FSIP1: variants seen among roughly 807,000 people sequenced by gnomAD.
FSIP1 encodes fibrous sheath interacting protein 1, also known as fibrous sheath-interacting protein 1.
A neutral mutation model predicts 60.9 loss-of-function variants in FSIP1; 65 were observed. The observed-to-expected ratio is 1.07, with a 90% CI of 0.87 to 1.31. The LOEUF (loss-of-function observed/expected upper bound fraction) is 1.31. Ranked by LOEUF, FSIP1 falls within the 40% of genes most tolerant of loss-of-function variation. The pLI is 0.00. For missense variants in FSIP1, 675 were observed against 665.5 expected, an observed-to-expected ratio of 1.01 and a Z score of -0.16; for synonymous variants, 209 against 221.2, an observed-to-expected ratio of 0.94 and a Z score of 0.49.
chr15:39,782,787 T>A lies in FSIP1; in HGVS notation c.-167A>T, dbSNP rs1595415480. The A allele has an allele frequency of 6.6e-6, 1 of 152,554 alleles. No individual in the cohort carries two copies. Among genetic ancestry groups the A allele is most frequent in the East Asian group, 1.9e-4 (1 of 5,184 alleles). 9.5% of individuals were successfully genotyped at this position (152,554 alleles called of 1,614,324 possible). A position where few individuals can be genotyped will look rare whatever the true frequency, so the allele number is the denominator to read the frequency against. On this transcript the variant is annotated 5_prime_UTR_variant, in exon 1 of 12. Coordinates refer to ENST00000350221, the MANE Select transcript of FSIP1 (RefSeq NM_152597.5). ...CTCTGGTAGTGGAAGAAGCCGCCGG[T>A]CCAGATCCCTCCTGCCTGTGGGACC... is the stretch of plus-strand genomic sequence containing the variant.
intron 10 of FSIP1, among the ~76,000 whole-genome samples, chr15:39,674,255 CG>C (rs1427394741): frequency 6.6e-6 from 1 of 152,026 alleles, no homozygotes; most frequent in Non-Finnish European, 1.5e-5. Context: ...AGGGTTTCAC[CG>C]TGTTAGCCAG....
chr15:39,773,256 T>A (rs966141427), intron 2 of FSIP1, among the ~76,000 whole-genome samples: 1 of 152,222 alleles, frequency 6.6e-6, no homozygotes, highest in Non-Finnish European at 1.5e-5. Context: ...GTTTTCTAGA[T>A]GCTGAATGAT....
At chr15:39,703,170 T>C (rs1322333884) in intron 10 of FSIP1, among the ~76,000 whole-genome samples, 1 of 152,104 alleles carries the variant, frequency 6.6e-6, no homozygotes, top group African/African-American at 2.4e-5. Flanking sequence ...TTAGTAGCGA[T>C]GAGGTTTTGC....
chr15:39,738,314 G>T, intron 7 of FSIP1, 113 bp from the exon 8 acceptor site: 1 of 624,516 alleles, frequency 1.6e-6, no homozygotes, highest in Non-Finnish European at 2.7e-6. Context: ...AAAGTTGCAA[G>T]ATTAGGCATT....
chr15:39,650,337 T>G (rs1212492849), intron 10 of FSIP1, among the ~76,000 whole-genome samples: 1 of 152,220 alleles, frequency 6.6e-6, no homozygotes, highest in Non-Finnish European at 1.5e-5. Context: ...TTATTTAAAA[T>G]TGGTACCACA....
At chr15:39,753,890 A>G (rs1225551670) in intron 5 of FSIP1, among the ~76,000 whole-genome samples, 1 of 152,110 alleles carries the variant, frequency 6.6e-6, no homozygotes, top group African/African-American at 2.4e-5. Context: ...ATAACCCTTT[A>G]TAAATATGAT....
rs556128524 is a variant in FSIP1, at chr15:39,676,159, T to A, written c.1188+37285A>T. Among the ~76,000 whole-genome samples the A allele has an allele frequency of 7.6e-4, 92 of 121,108 alleles. 1 individual carries two copies. The highest frequency in any genetic ancestry group is 2.8e-3 in the African/African-American group (88 of 31,968). The allele number at this position is 121,108 out of a possible 152,430, so 79.5% of individuals were successfully genotyped here. A position where few individuals can be genotyped will look rare whatever the true frequency, so the allele number is the denominator to read the frequency against. ...CTGCACTTCAGCCTGGGTGACAGAG[T>A]GAGACTCCATCTCAAAAAAAAAAAA... On this transcript the variant is annotated intron_variant, in intron 10 of 11. Coordinates refer to ENST00000350221, the MANE Select transcript of FSIP1 (RefSeq NM_152597.5).
chr15:39,598,195 G>A (rs140180358), downstream of FSIP1: 1 of 152,136 alleles, frequency 6.6e-6, no homozygotes, highest in South Asian at 2.1e-4. Context: ...GATCAAAGAA[G>A]AAATTTTATG....
At chr15:39,614,550 C>A (rs1282997825) in intron 11 of FSIP1, among the ~76,000 whole-genome samples, 2 of 150,206 alleles carry the variant, frequency 1.3e-5, no homozygotes, top group African/African-American at 4.9e-5. Flanking sequence ...GAGGCTGAGG[C>A]AGGAGAATCG....
chr15:39,773,158 A>G (rs1323280925), intron 2 of FSIP1, among the ~76,000 whole-genome samples: 1 of 152,244 alleles, frequency 6.6e-6, no homozygotes, highest in Non-Finnish European at 1.5e-5. Context: ...GCTGTGAAAA[A>G]AATCTTTGGT....
intron 9 of FSIP1, among the ~76,000 whole-genome samples, chr15:39,723,138 T>C (rs1418599075): frequency 6.6e-6 from 1 of 152,226 alleles, no homozygotes; most frequent in Non-Finnish European, 1.5e-5. Context: ...AGAATATTAC[T>C]ATTATTTTAT....
chr15:39,776,843 G>A (rs1898080776), intron 1 of FSIP1, among the ~76,000 whole-genome samples: 1 of 151,986 alleles, frequency 6.6e-6, no homozygotes, highest in South Asian at 2.1e-4. Flanking sequence ...CATGTCCCTG[G>A]TCTTCCCCGA....
rs1892842612 is a variant in FSIP1, at chr15:39,650,949, G to C, written c.1189-32704C>G. Among the ~76,000 whole-genome samples, 5 of 152,192 alleles carry C rather than the reference G, an allele frequency of 3.3e-5. No individual in the cohort carries two copies. The South Asian group carries it at 1.0e-3, about 32-fold the overall frequency. ...GAGTTAACACAGGCTTTACTTGACA[G>C]GGAAGGGAATGACTCGGCAATCACA... On this transcript the variant is annotated intron_variant, in intron 10 of 11. Coordinates refer to ENST00000350221, the MANE Select transcript of FSIP1 (RefSeq NM_152597.5).
intron 1 of FSIP1, among the ~76,000 whole-genome samples, chr15:39,780,652 T>C (rs1023066892): frequency 2.0e-4 from 31 of 152,278 alleles, no homozygotes; most frequent in African/African-American, 9.6e-5. Flanking sequence ...AGGTGGTATA[T>C]AGAATATTTG....
At chr15:39,718,593 C>T (rs1479751687) in intron 9 of FSIP1, among the ~76,000 whole-genome samples, 2 of 151,488 alleles carry the variant, frequency 1.3e-5, no homozygotes, top group African/African-American at 2.4e-5. Context: ...CAGGCTCAAG[C>T]GATCCTCCCA....
intron 3 of FSIP1, among the ~76,000 whole-genome samples, chr15:39,769,591 C>T (rs187669133): frequency 8.8e-4 from 134 of 152,308 alleles, no homozygotes; most frequent in Non-Finnish European, 1.6e-3. Flanking sequence ...CCTCAAACTT[C>T]GGTACACAGC....
intron 10 of FSIP1, among the ~76,000 whole-genome samples, chr15:39,653,304 C>T (rs1300578753): frequency 6.6e-6 from 1 of 151,886 alleles, no homozygotes; most frequent in African/African-American, 2.4e-5. Context: ...TTACTATATA[C>T]TAATGTATAT....
chr15:39,622,694 C>A lies in FSIP1; in HGVS notation c.1189-4449G>T, dbSNP rs541262891. Among the ~76,000 whole-genome samples, 10 of 152,224 alleles carry A rather than the reference C, an allele frequency of 6.6e-5. 1 individual carries two copies. The Middle Eastern group carries it at 0.01, about 155-fold the overall frequency. ...CTGAAGCACTAAGAAATGAAGTAAC[C>A]TCTCCAAGGTCATATAGCTTCTAAA... On this transcript the variant is annotated intron_variant, in intron 10 of 11. Transcript: ENST00000350221.
downstream of FSIP1, chr15:39,598,512 G>A (rs1431377335): frequency 6.6e-6 from 1 of 152,110 alleles, no homozygotes; most frequent in Non-Finnish European, 1.5e-5. Context: ...TGAAGTGCTG[G>A]GAGATAATTC....
Sources: allele counts gnomAD v4.1 joint callset (sites outside exome capture counted in the v4.1 genomes callset), GRCh38; gene constraint gnomAD v4.1.1; transcripts MANE v1.5; gene names NCBI Gene and HGNC (gene_info 2026-07-23, HGNC 2026-07-21).